Variants in NR3C1 observed in about 807,000 individuals in gnomAD.
The protein encoded by NR3C1 is nuclear receptor subfamily 3 group C member 1.
In NR3C1, 14 loss-of-function variants were observed where a neutral mutation model predicts 74.0. The ratio of observed to expected loss-of-function variants is 0.19; its 90% CI spans 0.12 to 0.30. The LOEUF (loss-of-function observed/expected upper bound fraction) is 0.30, where lower values mean the gene tolerates loss of function less well. Among genes scored for constraint, NR3C1 ranks in the 10% least tolerant of loss-of-function variants. NR3C1 has a pLI of 1.00. For missense variants in NR3C1, 695 were observed against 909.8 expected, an observed-to-expected ratio of 0.76 and a Z score of 3.04; for synonymous variants, 308 against 332.5, an observed-to-expected ratio of 0.93 and a Z score of 0.80.
intron 2 of NR3C1, among the ~76,000 whole-genome samples, chr5:143,318,554 T>C (rs987644613): frequency 6.6e-6 from 1 of 152,194 alleles, no homozygotes; most frequent in Admixed American, 6.5e-5. Context: ...CAGTGGCAGA[T>C]ACAAGTCTTC....
rs752981756 is a variant in NR3C1, at chr5:143,279,499, G to A, written c.*2390C>T. The A allele has an allele frequency of 2.2e-6, 3 of 1,361,650 alleles. No homozygotes were observed. Among genetic ancestry groups the A allele is most frequent in the Non-Finnish European group, 1.9e-6 (2 of 1,045,370 alleles). The allele number at this position is 1,361,650 out of a possible 1,614,324, so 84.3% of individuals were successfully genotyped here. On this transcript the variant is annotated 3_prime_UTR_variant, in exon 9 of 9. Coordinates refer to ENST00000394464, the MANE Select transcript of NR3C1 (RefSeq NM_000176.3). ...AAGAATATTCAAGCAGTTTTCTTAG[G>A]CACCAAAAATTTATCCAGCCGGGTT... is the stretch of plus-strand genomic sequence containing the variant.
At chr5:143,297,561 T>C (rs949632312) in intron 6 of NR3C1, among the ~76,000 whole-genome samples, 11 of 152,168 alleles carry the variant, frequency 7.2e-5, no homozygotes, top group Non-Finnish European at 2.9e-5. Context: ...CTTGTTACAT[T>C]GTGATGCAGT....
intron 7 of NR3C1, among the ~76,000 whole-genome samples, chr5:143,288,079 C>T (rs1389464098): frequency 4.0e-5 from 6 of 151,806 alleles, no homozygotes; most frequent in Non-Finnish European, 2.9e-5. Flanking sequence ...CTCCCCACTC[C>T]TCCAAAGCTG....
chr5:143,407,055 G>A (rs1841137337), upstream of NR3C1: 1 of 152,284 alleles, frequency 6.6e-6, no homozygotes, highest in South Asian at 2.1e-4. Flanking sequence ...ACAAGAAATA[G>A]GATGAATCCC....
In NR3C1 at chr5:143,279,341, C is replaced by T. The variant is rs185224810; in HGVS notation, c.*2548G>A. ...TTCTCATTGAGTTCTATTTTTTGAG[C>T]GCCAAGATTGTTGGGATGAAAATCA... On this transcript the variant is annotated 3_prime_UTR_variant, in exon 9 of 9. Transcript: ENST00000394464. 4.9e-5 allele frequency: 75 copies of T among 1,545,760 alleles called. No homozygotes were observed. Among genetic ancestry groups the T allele is most frequent in the African/African-American group, 2.7e-4 (20 of 72,792 alleles).
chr5:143,323,772 G>A (rs924543254), intron 2 of NR3C1, among the ~76,000 whole-genome samples: 3 of 152,196 alleles, frequency 2.0e-5, no homozygotes, highest in African/African-American at 2.4e-5. Context: ...TACAAGGGCC[G>A]GAGGGATGGG....
chr5:143,393,468 T>G (rs1370688749), intron 2 of NR3C1, among the ~76,000 whole-genome samples: 1 of 152,184 alleles, frequency 6.6e-6, no homozygotes, highest in Non-Finnish European at 1.5e-5. Flanking sequence ...AACTAGGTCT[T>G]TGGACTTTTA....
At chr5:143,361,911 C>T (rs569347666) in intron 2 of NR3C1, among the ~76,000 whole-genome samples, 45 of 152,320 alleles carry the variant, frequency 3.0e-4, no homozygotes, top group Non-Finnish European at 3.1e-4. Context: ...TGAAAGACCT[C>T]TAGTATTGAA....
At chr5:143,373,836 A>G (rs1834668831) in intron 2 of NR3C1, among the ~76,000 whole-genome samples, 1 of 152,126 alleles carries the variant, frequency 6.6e-6, no homozygotes, top group Non-Finnish European at 1.5e-5. Context: ...AATAGCAATG[A>G]GCTGTTCCTT....
chr5:143,412,683 G>GT (rs1299448395), intron 1 of NR3C1, among the ~76,000 whole-genome samples: 4 of 151,992 alleles, frequency 2.6e-5, no homozygotes, highest in Admixed American at 6.6e-5. Context: ...CACATTACAG[G>GT]TTTTTTTGTT....
chr5:143,295,348 AAAT>A, intron 7 of NR3C1, 109 bp downstream of exon 7: 1 of 1,467,304 alleles, frequency 6.8e-7, no homozygotes, highest in Non-Finnish European at 9.0e-7. Context: ...GACTAGTAGG[AAAT>A]AATAGTAGAC....
intron 1 of NR3C1, among the ~76,000 whole-genome samples, chr5:143,431,509 A>G (rs1406094981): frequency 6.6e-6 from 1 of 151,960 alleles, no homozygotes; most frequent in Non-Finnish European, 1.5e-5. Flanking sequence ...GGTGGGGGGT[A>G]AGGGGAGGGA....
At chr5:143,286,896 A>G (rs1814619560) in intron 7 of NR3C1, among the ~76,000 whole-genome samples, 1 of 152,074 alleles carries the variant, frequency 6.6e-6, no homozygotes. Flanking sequence ...GTCATTCAAT[A>G]TTAGAGTCCT....
intron 2 of NR3C1, among the ~76,000 whole-genome samples, chr5:143,335,439 A>G (rs1826940679): frequency 1.3e-5 from 2 of 152,266 alleles, no homozygotes; most frequent in Admixed American, 1.3e-4. Flanking sequence ...AATTTGTCAA[A>G]TGAAGCTAAA....
At position 143,399,842 on chromosome 5, in the gene NR3C1, T is replaced by G; in HGVS notation, c.998A>C (p.His333Pro). Residue 333 changes from histidine to proline, a missense_variant, in exon 2 of 9, where the codon CAC becomes CCC. By Grantham distance (77) the His-to-Pro change is moderately conservative (BLOSUM62 -2). Transcript: ENST00000394464. ...AAGGGATGCTGTATTCATGTCATAG[T>G]GGTACATCTGTCCTCCAGAGGTACT... is the stretch of plus-strand genomic sequence containing the variant. ...GVSTSGGQMY[H>P]YDMNTASLSQ... 1 of 1,614,218 alleles carries G rather than the reference T, an allele frequency of 6.2e-7. No homozygotes were observed. Among genetic ancestry groups the G allele is most frequent in the Non-Finnish European group, 8.5e-7 (1 of 1,180,030 alleles).
upstream of NR3C1, among the ~76,000 whole-genome samples, chr5:143,406,250 A>G (rs1196230585): frequency 2.0e-5 from 3 of 151,998 alleles, no homozygotes; most frequent in African/African-American, 4.8e-5. Flanking sequence ...CTCATCGCTC[A>G]TACATGCTCA....
chr5:143,354,088 C>G (rs1396348253), intron 2 of NR3C1, among the ~76,000 whole-genome samples: 1 of 152,230 alleles, frequency 6.6e-6, no homozygotes, highest in Non-Finnish European at 1.5e-5. Flanking sequence ...ATCAACCGAC[C>G]TCTGCTAGCT....
chr5:143,310,485 C>G lies in NR3C1; in HGVS notation c.1352-272G>C, dbSNP rs532617890. 5.3e-5 allele frequency among the ~76,000 whole-genome samples: 8 copies of G among 152,060 alleles called. No homozygotes were observed. In the South Asian group the frequency reaches 1.7e-3, roughly 32 times the overall value. On this transcript the variant is annotated intron_variant, in intron 3 of 8. Transcript: ENST00000394464. ...AAAAAAAGTACACAAATCAGTGAACCATTTAATAAATTTTTACAAACCAAG... is the reference window on the plus strand; with the variant it reads ...AAAAAAAGTACACAAATCAGTGAACGATTTAATAAATTTTTACAAACCAAG...
upstream of NR3C1, among the ~76,000 whole-genome samples, chr5:143,405,608 G>A (rs66697623): frequency 6.6e-6 from 1 of 152,158 alleles, no homozygotes; most frequent in African/African-American, 2.4e-5. Context: ...GACGATCTAC[G>A]GGGGCCGCCT....
Sources: gnomAD v4.1 joint callset for allele counts (sites outside exome capture counted in the v4.1 genomes callset) on GRCh38, gnomAD v4.1.1 for gene constraint, MANE v1.5 for transcripts, NCBI Gene and HGNC (gene_info 2026-07-23, HGNC 2026-07-21) for gene names.